The following FCHSD2 variants were observed in gnomAD, a reference collection of about 807,000 sequenced individuals.
FCHSD2 encodes FCH and double SH3 domains 2.
In FCHSD2, 38 loss-of-function variants were observed where a neutral mutation model predicts 108.1. The ratio of observed to expected loss-of-function variants is 0.35; its 90% CI spans 0.27 to 0.46. The LOEUF (loss-of-function observed/expected upper bound fraction) is 0.46, where lower values mean the gene tolerates loss of function less well. Among genes scored for constraint, FCHSD2 ranks in the 20% least tolerant of loss-of-function variants. The pLI, the probability that FCHSD2 is intolerant of heterozygous loss-of-function variation, is 1.00. For synonymous variants in FCHSD2, 279 were observed against 314.7 expected (o/e 0.89, Z 1.20); for missense variants, 751 against 897.8 (o/e 0.84, Z 2.09).
intron 8 of FCHSD2, among the ~76,000 whole-genome samples, chr11:72,958,929 G>A (rs1376814188): frequency 1.3e-5 from 2 of 151,914 alleles, no homozygotes; most frequent in African/African-American, 4.8e-5. Context: ...GAATAGATAA[G>A]TCTCTCAATT....
chr11:72,984,462 A>G (rs1857274647), intron 7 of FCHSD2, among the ~76,000 whole-genome samples: 1 of 152,252 alleles, frequency 6.6e-6, no homozygotes, highest in Admixed American at 6.5e-5. Context: ...AGCTTTGTAG[A>G]TAACTTAAAA....
chr11:72,931,422 A>T (rs906775126), intron 8 of FCHSD2, among the ~76,000 whole-genome samples: 63 of 148,914 alleles, frequency 4.2e-4, no homozygotes, highest in Non-Finnish European at 7.6e-4. Flanking sequence ...TTTTTTTTTT[A>T]AATAAAATAA....
intron 10 of FCHSD2, among the ~76,000 whole-genome samples, chr11:72,896,746 C>T (rs1341553559): frequency 1.1e-5 from 1 of 94,190 alleles, no homozygotes; most frequent in East Asian, 2.8e-4. Context: ...TTTCCTGTAG[C>T]AATTAGGGGG....
At chr11:72,849,502 T>G (rs193124741) in intron 14 of FCHSD2, among the ~76,000 whole-genome samples, 1 of 152,234 alleles carries the variant, frequency 6.6e-6, no homozygotes, top group Non-Finnish European at 1.5e-5. Flanking sequence ...AGGAACTATT[T>G]GAGCTGAGCT....
chr11:73,076,155 C>T (rs1158836000), intron 3 of FCHSD2, among the ~76,000 whole-genome samples: 1 of 151,982 alleles, frequency 6.6e-6, no homozygotes, highest in Non-Finnish European at 1.5e-5. Context: ...CATAAAATCA[C>T]CAAATGATGT....
At chr11:72,840,381 T>C (rs1860881794) in intron 19 of FCHSD2, among the ~76,000 whole-genome samples, 1 of 152,246 alleles carries the variant, frequency 6.6e-6, no homozygotes, top group Non-Finnish European at 1.5e-5. Context: ...GTGCAAGTTA[T>C]GACCTTGGAG....
At chr11:72,870,078 G>A (rs367886976) in intron 12 of FCHSD2, among the ~76,000 whole-genome samples, 46 of 152,118 alleles carry the variant, frequency 3.0e-4, no homozygotes, top group East Asian at 2.9e-3. Context: ...GCCTGTGTGC[G>A]TGCCAGTCCC....
At chr11:72,987,201 G>A (rs920269932) in intron 6 of FCHSD2, among the ~76,000 whole-genome samples, 11 of 152,136 alleles carry the variant, frequency 7.2e-5, no homozygotes, top group African/African-American at 2.7e-4. Context: ...ACTATAGGTA[G>A]TACAGTTTAA....
At chr11:73,090,529 A>C (rs925827118) in intron 2 of FCHSD2, among the ~76,000 whole-genome samples, 4 of 152,052 alleles carry the variant, frequency 2.6e-5, no homozygotes, top group African/African-American at 9.7e-5. Context: ...GCGGCCTACA[A>C]TACTTCTTAA....
chr11:73,009,462 A>G (rs1857813850), intron 4 of FCHSD2, among the ~76,000 whole-genome samples: 1 of 152,110 alleles, frequency 6.6e-6, no homozygotes, highest in African/African-American at 2.4e-5. Flanking sequence ...ATGCCACCAC[A>G]CTCCAGCCTG....
chr11:72,993,996 GAC>G (rs1200211638), intron 5 of FCHSD2, among the ~76,000 whole-genome samples: 1 of 152,166 alleles, frequency 6.6e-6, no homozygotes, highest in Non-Finnish European at 1.5e-5. Context: ...CCCTTACAGG[GAC>G]ACTGGAAGCT....
intron 3 of FCHSD2, among the ~76,000 whole-genome samples, chr11:73,033,779 T>C (rs540525093): frequency 1.3e-5 from 2 of 152,222 alleles, no homozygotes; most frequent in Non-Finnish European, 2.9e-5. Flanking sequence ...GAATTAGTTA[T>C]GAGTATTCTT....
intron 2 of FCHSD2, among the ~76,000 whole-genome samples, chr11:73,089,327 G>A (rs913225523): frequency 1.3e-4 from 20 of 152,264 alleles, no homozygotes; most frequent in African/African-American, 4.1e-4. Flanking sequence ...CTCTCATAGC[G>A]TTAGTGGAAA....
intron 5 of FCHSD2, among the ~76,000 whole-genome samples, chr11:72,998,209 A>C (rs1293435294): frequency 6.6e-6 from 1 of 152,342 alleles, no homozygotes; most frequent in East Asian, 1.9e-4. Context: ...TATATTGTTC[A>C]TGAGGTAGTA....
chr11:72,957,038 T>TC (rs1856725918), intron 8 of FCHSD2, among the ~76,000 whole-genome samples: 1 of 151,646 alleles, frequency 6.6e-6, no homozygotes, highest in African/African-American at 2.4e-5. Flanking sequence ...TTTTTCTTCT[T>TC]TTTTTTTATT....
intron 3 of FCHSD2, among the ~76,000 whole-genome samples, chr11:73,035,961 C>T (rs578191374): frequency 4.6e-5 from 7 of 151,920 alleles, no homozygotes; most frequent in South Asian, 2.1e-4. Flanking sequence ...CCTTGTGATC[C>T]GCCTACCTCA....
At chr11:73,118,392 A>C (rs1860654286) in intron 2 of FCHSD2, among the ~76,000 whole-genome samples, 2 of 152,236 alleles carry the variant, frequency 1.3e-5, no homozygotes, top group South Asian at 4.1e-4. Flanking sequence ...GCCCCATCTT[A>C]GTCAATTCCT....
chr11:72,983,273 G>A lies in FCHSD2; in HGVS notation c.705+815C>T, dbSNP rs373653514. On this transcript the variant is annotated intron_variant, in intron 8 of 19. Coordinates refer to ENST00000409418, the MANE Select transcript of FCHSD2 (RefSeq NM_014824.3). ...CCCGCCACTGCACTCCAGCCTGGGC[G>A]ACAGAGCGAGACTCCGTCTCAAAAA... is the stretch of plus-strand genomic sequence containing the variant. Among the ~76,000 whole-genome samples the A allele has an allele frequency of 2.7e-5, 4 of 149,352 alleles. No individual in the cohort carries two copies. The East Asian group carries it at 5.9e-4, about 22-fold the overall frequency.
chr11:72,841,536 C>A lies in FCHSD2; in HGVS notation c.1974G>T (p.Leu658Phe). 1 of 1,611,278 alleles carries A rather than the reference C, an allele frequency of 6.2e-7. No individual in the cohort carries two copies. Reference sequence around the variant, plus strand: ...AGGGGCTGCTGGGAGGCTGGTCGTACAACGGCAGTGGAGGCAGGGAGGCGT... The same window carrying A: ...AGGGGCTGCTGGGAGGCTGGTCGTAAAACGGCAGTGGAGGCAGGGAGGCGT... ...KPHASLPPLPLYDQPPSSPYP... is the reference protein window; with the variant it reads ...KPHASLPPLPFYDQPPSSPYP... The change falls in exon 18 of 20, where the codon TTG (leucine) becomes TTT (phenylalanine). Residue 658 changes from leucine (L) to phenylalanine (F), a missense_variant. Transcript: ENST00000409418.
Sources: gnomAD v4.1 joint callset for allele counts (sites outside exome capture counted in the v4.1 genomes callset) on GRCh38, gnomAD v4.1.1 for gene constraint, MANE v1.5 for transcripts, NCBI Gene and HGNC (gene_info 2026-07-23, HGNC 2026-07-21) for gene names.